The following ARHGAP6 variants were observed in gnomAD, a reference collection of about 807,000 sequenced individuals.
ARHGAP6 encodes the protein rho GTPase-activating protein 6.
ARHGAP6 carries 16 observed loss-of-function variants against 55.7 expected under a neutral mutation model. The ratio of observed to expected loss-of-function variants is 0.29; its 90% CI spans 0.19 to 0.44. The LOEUF is 0.44. ARHGAP6 is among the 20% of genes least tolerant of loss of function. The probability of loss-of-function intolerance (pLI) is 1.00; values close to 1 mark genes in which losing one functional copy is unlikely to be tolerated. For synonymous variants in ARHGAP6, 382 were observed against 360.9 expected (o/e 1.06, Z -0.66); for missense variants, 698 against 808.9 (o/e 0.86, Z 1.66).
intron 1 of ARHGAP6, among the ~76,000 whole-genome samples, chrX:11,319,757 T>C (rs1483538066): frequency 8.9e-6 from 1 of 112,512 alleles, no homozygotes; most frequent in Non-Finnish European, 1.9e-5. Flanking sequence ...TCGTGGTACA[T>C]TTCTTGCTTT....
intron 1 of ARHGAP6, chrX:11,298,036 A>C: frequency 9.8e-7 from 1 of 1,023,385 alleles, no homozygotes; most frequent in Non-Finnish European, 1.4e-6. Flanking sequence ...TGTGTGATGG[A>C]TGTAAACACA....
chrX:11,377,489 T>G (rs754086598), intron 1 of ARHGAP6, among the ~76,000 whole-genome samples: 1 of 112,236 alleles, frequency 8.9e-6, no homozygotes, highest in East Asian at 2.8e-4. Flanking sequence ...TGGTAATGGA[T>G]GCACAACTAG....
chrX:11,332,574 T>A (rs1156942360), intron 1 of ARHGAP6, among the ~76,000 whole-genome samples: 2 of 111,983 alleles, frequency 1.8e-5, no homozygotes, highest in Non-Finnish European at 3.8e-5. Context: ...CAAGTTCATG[T>A]TGATGAATGC....
rs923501843 is a variant in ARHGAP6 at position 11,638,627 on chromosome X, C to T, written c.588+25614G>A. Among the ~76,000 whole-genome samples the T allele has an allele frequency of 1.2e-4, 13 of 110,896 alleles. No individual in the cohort carries two copies. The Admixed American group carries it at 1.3e-3, about 11-fold the overall frequency. On this transcript the variant is annotated intron_variant, in intron 1 of 12. Coordinates refer to ENST00000337414, the MANE Select transcript of ARHGAP6 (RefSeq NM_013427.3). Reference sequence around the variant, plus strand: ...AGAGAAAACAGGGCCAAATTATTACCACCCCTCCATATTAAATGCAAGTTT... The same window carrying T: ...AGAGAAAACAGGGCCAAATTATTACTACCCCTCCATATTAAATGCAAGTTT...
intron 1 of ARHGAP6, among the ~76,000 whole-genome samples, chrX:11,596,087 A>T (rs888099750): frequency 1.1e-4 from 12 of 112,264 alleles, no homozygotes; most frequent in Admixed American, 7.5e-4. Flanking sequence ...TACCCAAAGG[A>T]TTATAAACCA....
chrX:11,148,089 C>T (rs1043259189), intron 10 of ARHGAP6, among the ~76,000 whole-genome samples: 3 of 111,534 alleles, frequency 2.7e-5, no homozygotes, highest in African/African-American at 9.8e-5. Context: ...AGTGATTTTC[C>T]ACAGGACACT....
intron 1 of ARHGAP6, among the ~76,000 whole-genome samples, chrX:11,652,965 T>C (rs746983836): frequency 2.7e-5 from 3 of 112,082 alleles, no homozygotes; most frequent in Non-Finnish European, 3.8e-5. Flanking sequence ...AAAAAGAGAA[T>C]CTGATTGTAG....
intron 1 of ARHGAP6, among the ~76,000 whole-genome samples, chrX:11,480,543 T>C (rs781072416): frequency 5.4e-5 from 6 of 112,135 alleles, no homozygotes; most frequent in Admixed American, 1.9e-4. Context: ...GTTATGGTTG[T>C]ACACCTCTGT....
chrX:11,556,264 A>C (rs1456562309), intron 1 of ARHGAP6, among the ~76,000 whole-genome samples: 17 of 111,945 alleles, frequency 1.5e-4, no homozygotes. Context: ...ACCTGTGGTC[A>C]ATACACTTTC....
intron 6 of ARHGAP6, among the ~76,000 whole-genome samples, chrX:11,179,792 T>C (rs1458492204): frequency 9.4e-6 from 1 of 105,846 alleles, no homozygotes; most frequent in Non-Finnish European, 1.9e-5. Context: ...ATAAGCATTA[T>C]TAAATAAAAC....
At chrX:11,530,675 ATCT>A (rs1385016939) in intron 1 of ARHGAP6, among the ~76,000 whole-genome samples, 1 of 111,991 alleles carries the variant, frequency 8.9e-6, no homozygotes, top group Admixed American at 9.5e-5. Context: ...GGGAGCAGAG[ATCT>A]TTTTTTAAAA....
chrX:11,213,643 A>T (rs2046837916), intron 2 of ARHGAP6, among the ~76,000 whole-genome samples: 1 of 112,919 alleles, frequency 8.9e-6, no homozygotes, highest in Non-Finnish European at 1.9e-5. Flanking sequence ...TAAGTGAAAC[A>T]AGTAAAACAC....
intron 3 of ARHGAP6, among the ~76,000 whole-genome samples, chrX:11,196,209 G>A (rs1484998183): frequency 9.0e-6 from 1 of 110,648 alleles, no homozygotes; most frequent in Non-Finnish European, 1.9e-5. Context: ...ATTCCCTAAA[G>A]TTCCTGGATC....
chrX:11,485,040 A>C (rs34503728), intron 1 of ARHGAP6, among the ~76,000 whole-genome samples: 11,433 of 110,175 alleles, frequency 0.1, 561 homozygotes, highest in East Asian at 0.18. Flanking sequence ...ACAACAACAA[A>C]AAAAAAACAT....
chrX:11,341,367 C>T (rs766045063), intron 1 of ARHGAP6, among the ~76,000 whole-genome samples: 1 of 111,091 alleles, frequency 9.0e-6, no homozygotes, highest in East Asian at 2.8e-4. Context: ...ACATACTTCC[C>T]TATTTTTCAT....
chrX:11,617,828 T>G (rs1024157252), intron 1 of ARHGAP6, among the ~76,000 whole-genome samples: 1 of 111,570 alleles, frequency 9.0e-6, no homozygotes, highest in Admixed American at 9.5e-5. Context: ...AATGCTTGAA[T>G]GCAGGTGGGC....
intron 1 of ARHGAP6, among the ~76,000 whole-genome samples, chrX:11,482,753 C>T (rs944381643): frequency 2.8e-5 from 3 of 107,505 alleles, no homozygotes; most frequent in Admixed American, 1.9e-4. Flanking sequence ...AGAGAACTAC[C>T]CACAGACTTC....
At chrX:11,204,470 T>C (rs1176477329) in intron 2 of ARHGAP6, among the ~76,000 whole-genome samples, 4 of 112,083 alleles carry the variant, frequency 3.6e-5, no homozygotes, top group Non-Finnish European at 5.6e-5. Flanking sequence ...GAGTAGATGC[T>C]CAATAAATTA....
chrX:11,638,504 T>C (rs951995989), intron 1 of ARHGAP6, among the ~76,000 whole-genome samples: 7 of 111,777 alleles, frequency 6.3e-5, no homozygotes, highest in African/African-American at 2.3e-4. Flanking sequence ...TCATCTGAAA[T>C]TCATTCTATA....
Sources: gnomAD v4.1 joint callset for allele counts (sites outside exome capture counted in the v4.1 genomes callset) on GRCh38, gnomAD v4.1.1 for gene constraint, MANE v1.5 for transcripts, NCBI Gene and HGNC (gene_info 2026-07-23, HGNC 2026-07-21) for gene names.